The following C4BPB variants were observed in gnomAD, a reference collection of about 807,000 sequenced individuals.
C4BPB encodes the protein C4b-binding protein beta chain.
A neutral mutation model predicts 26.6 loss-of-function variants in C4BPB; 19 were observed. The ratio of observed to expected loss-of-function variants is 0.71; its 90% CI spans 0.50 to 1.05. C4BPB has a LOEUF of 1.05. C4BPB is among the 50% of genes least tolerant of loss of function. The probability of loss-of-function intolerance (pLI) is 0.00; values close to 1 mark genes in which losing one functional copy is unlikely to be tolerated. For missense variants in C4BPB, 282 were observed against 302.9 expected, an observed-to-expected ratio of 0.93 and a Z score of 0.51; for synonymous variants, 118 against 103.5, an observed-to-expected ratio of 1.14 and a Z score of -0.85.
Position 207,099,896 on chromosome 1 carries a change from G to C in C4BPB, c.726G>C (p.Leu242=), listed in dbSNP as rs758555953. Residue 242 remains leucine, a synonymous_variant, in exon 7 of 7, where the codon CTG becomes CTC. Transcript: ENST00000367078. Reference sequence around the variant, plus strand: ...AGGAGCTAAAATATTCTCTGGAGCTGAAGAAAGCTGAGTTGAAGGCAAAAT... The same window carrying C: ...AGGAGCTAAAATATTCTCTGGAGCTCAAGAAAGCTGAGTTGAAGGCAAAAT... ...TMEELKYSLE[L]KKAELKAKLL is the part of the protein sequence containing the mutation. 1 of 1,613,412 alleles carries C rather than the reference G, an allele frequency of 6.2e-7. No homozygotes were observed. Among genetic ancestry groups the C allele is most frequent in the African/African-American group, 1.3e-5 (1 of 74,910 alleles).
intron 4 of C4BPB, chr1:207,095,194 C>T (rs1218200723): frequency 1.2e-5 from 5 of 423,958 alleles, no homozygotes; most frequent in African/African-American, 2.0e-5. Context: ...GGAAGGAAGC[C>T]AAGAGGAGCA....
chr1:207,094,412 T>C (rs1684164710), intron 4 of C4BPB, among the ~76,000 whole-genome samples: 1 of 152,228 alleles, frequency 6.6e-6, no homozygotes, highest in South Asian at 2.1e-4. Context: ...AAAACTTGCA[T>C]ACATACTATT....
At chr1:207,090,162 T>C (rs1683967512) in intron 2 of C4BPB, 146 bp from the exon 3 acceptor site, 1 of 612,634 alleles carries the variant, frequency 1.6e-6, no homozygotes. Context: ...TCCCGGCTAC[T>C]TGGGAGTAGA....
chr1:207,090,236 T>TG (rs937019664), intron 2 of C4BPB, 72 bp from the exon 3 acceptor site: 2 of 1,172,712 alleles, frequency 1.7e-6, no homozygotes, highest in Non-Finnish European at 2.4e-6. Flanking sequence ...GACATGAGAA[T>TG]GGGGAAATCT....
intron 3 of C4BPB, among the ~76,000 whole-genome samples, chr1:207,091,074 G>A (rs2102303937): frequency 6.6e-6 from 1 of 152,192 alleles, no homozygotes; most frequent in Admixed American, 6.5e-5. Context: ...GTGGAGATGG[G>A]GAATAATTAA....
At chr1:207,090,655 A>T (rs1683991614) in intron 3 of C4BPB, among the ~76,000 whole-genome samples, 174 bp downstream of exon 3, 1 of 152,244 alleles carries the variant, frequency 6.6e-6, no homozygotes, top group Non-Finnish European at 1.5e-5. Context: ...CTCTATGATC[A>T]GATCTTGATC....
At chr1:207,090,098 C>A (rs1035776672) in intron 2 of C4BPB, among the ~76,000 whole-genome samples, 2 of 152,156 alleles carry the variant, frequency 1.3e-5, no homozygotes, top group South Asian at 4.1e-4. Flanking sequence ...AGTGAAACCC[C>A]GTCTCTGCTG....
At chr1:207,095,051 G>T in intron 4 of C4BPB, 1 of 255,196 alleles carries the variant, frequency 3.9e-6, no homozygotes, top group East Asian at 1.4e-4. Context: ...AGATTTTTAT[G>T]TTTCAGTAAA....
In C4BPB at chr1:207,093,198, T is replaced by C. The variant is rs151098362; in HGVS notation, c.409+1378T>C. 7.9e-4 allele frequency among the ~76,000 whole-genome samples: 120 copies of C among 152,292 alleles called. 2 individuals are homozygous for C. In the East Asian group the frequency reaches 0.022, roughly 28 times the overall value. On this transcript the variant is annotated intron_variant, in intron 4 of 6. Coordinates refer to ENST00000367078, the MANE Select transcript of C4BPB (RefSeq NM_001017365.3). ...TAAGACTTGAATGAAAGAAAAGACATGCATGATCCTGGATGGGCAGACTTA... is the reference window on the plus strand; with the variant it reads ...TAAGACTTGAATGAAAGAAAAGACACGCATGATCCTGGATGGGCAGACTTA...
chr1:207,092,633 T>C (rs946885536), intron 4 of C4BPB, among the ~76,000 whole-genome samples: 68 of 149,406 alleles, frequency 4.6e-4, no homozygotes, highest in African/African-American at 9.4e-4. Flanking sequence ...TTCTTTCTTT[T>C]TTTTTTTTTT....
At chr1:207,099,444 G>A (rs1477136995) in intron 6 of C4BPB, among the ~76,000 whole-genome samples, 1 of 152,188 alleles carries the variant, frequency 6.6e-6, no homozygotes, top group Non-Finnish European at 1.5e-5. Flanking sequence ...GTGGCCCTGG[G>A]GTTGGGGATC....
intron 5 of C4BPB, 64 bp from the exon 6 acceptor site, chr1:207,098,086 A>C: frequency 2.4e-6 from 3 of 1,272,614 alleles, no homozygotes; most frequent in Non-Finnish European, 3.4e-6. Context: ...AACTACACAA[A>C]ACCAGTCTCC....
chr1:207,092,681 G>C (rs1479956663), intron 4 of C4BPB, among the ~76,000 whole-genome samples: 1 of 148,018 alleles, frequency 6.8e-6, no homozygotes, highest in African/African-American at 2.5e-5. Context: ...AGGCTGGAGT[G>C]CAGTGGTGTG....
Position 207,091,780 on chromosome 1 carries a change from G to A in C4BPB, c.369G>A (p.Glu123=). The change falls in exon 4 of 7, where the codon GAG becomes GAA. Residue 123 remains glutamate (E), a synonymous_variant. Transcript: ENST00000367078. ...GCAGCAATCGGAGCCAGTGTCTAGA[G>A]GACCACACCTGGGCACCTCCCTTTC... The part of the protein sequence containing the change: ...LKGSNRSQCL[E]DHTWAPPFPI... 2 of 1,614,088 alleles carry A rather than the reference G, an allele frequency of 1.2e-6. No individual in the cohort carries two copies. The highest frequency in any genetic ancestry group is 8.5e-7 in the Non-Finnish European group (1 of 1,180,004).
At chr1:207,099,648 T>C (rs551475650) in intron 6 of C4BPB, 141 bp from the exon 7 acceptor site, 2 of 567,076 alleles carry the variant, frequency 3.5e-6, no homozygotes, top group East Asian at 5.8e-5. Flanking sequence ...TGATTTGCCA[T>C]GTTGAAAACC....
chr1:207,093,998 G>T (rs778748697), intron 4 of C4BPB, among the ~76,000 whole-genome samples: 3 of 152,038 alleles, frequency 2.0e-5, no homozygotes, highest in Non-Finnish European at 4.4e-5. Flanking sequence ...AAAGGATATT[G>T]AACATTACAA....
intron 3 of C4BPB, among the ~76,000 whole-genome samples, chr1:207,091,350 A>G (rs962320709): frequency 4.6e-5 from 7 of 152,356 alleles, no homozygotes; most frequent in Middle Eastern, 3.4e-3. Flanking sequence ...CATGCTTAAT[A>G]TAACAGTACA....
chr1:207,090,316 T>C lies in C4BPB; in HGVS notation c.67T>C (p.Cys23Arg). 6.2e-7 allele frequency: 1 copy of C among 1,608,678 alleles called. No individual in the cohort carries two copies. ...WRVSASDAEH[C>R]PELPPVDNSI... The stretch of plus-strand genomic sequence containing the variant: ...TTTCTTTTTTCTTCCAGCAGAGCAC[T>C]GTCCAGAGCTTCCTCCAGTGGACAA... The change falls in exon 3 of 7, where the codon TGT (cysteine) becomes CGT (arginine). Residue 23 changes from cysteine (C) to arginine (R), a missense_variant. By Grantham distance (180) the Cys-to-Arg change is radical. Coordinates refer to ENST00000367078, the MANE Select transcript of C4BPB (RefSeq NM_001017365.3).
In C4BPB at chr1:207,089,495, G is replaced by A. The variant is rs1334645566; in HGVS notation, c.-37G>A. 2 of 1,604,248 alleles carry A rather than the reference G, an allele frequency of 1.2e-6. No individual in the cohort carries two copies. Among genetic ancestry groups the A allele is most frequent in the Non-Finnish European group, 8.5e-7 (1 of 1,171,216 alleles). On this transcript the variant is annotated 5_prime_UTR_variant, in exon 2 of 7. The change creates a new upstream start codon in the 5' untranslated region. Transcript: ENST00000367078. The stretch of plus-strand genomic sequence containing the variant: ...TTTTCAAACCAGGTGTCTGAGCTGG[G>A]TGAATTCCAGCCTGGGGAGAGGACT...
Sources: allele counts gnomAD v4.1 joint callset (sites outside exome capture counted in the v4.1 genomes callset), GRCh38; gene constraint gnomAD v4.1.1; transcripts MANE v1.5; gene names NCBI Gene and HGNC (gene_info 2026-07-23, HGNC 2026-07-21).